The following STK11IP variants were observed in gnomAD, a reference collection of about 807,000 sequenced individuals.
STK11IP encodes serine/threonine kinase 11 interacting protein, also known as serine/threonine-protein kinase 11-interacting protein.
Under a neutral mutation model 131.7 loss-of-function variants are expected in STK11IP, and 103 were observed. That is an observed-to-expected ratio of 0.78 (90% confidence interval 0.67 to 0.92). The LOEUF (loss-of-function observed/expected upper bound fraction) is 0.92. STK11IP is among the 40% of genes least tolerant of loss of function. The probability of loss-of-function intolerance (pLI) is 0.00; values close to 1 mark genes in which losing one functional copy is unlikely to be tolerated. For missense variants in STK11IP, 1,315 were observed against 1,385.7 expected (o/e 0.95, Z 0.81); for synonymous variants, 557 against 575.6 (o/e 0.97, Z 0.46).
intron 4 of STK11IP, 128 bp from the exon 5 acceptor site, chr2:219,601,860 C>T: frequency 1.6e-6 from 2 of 1,239,396 alleles, no homozygotes; most frequent in South Asian, 1.3e-5. Context: ...CACTGTCTTT[C>T]CATTTACTGC....
chr2:219,609,085 C>G lies in STK11IP; in HGVS notation c.1810-12C>G. On this transcript the variant is annotated splice_polypyrimidine_tract_variant and intron_variant, in intron 15 of 24. Coordinates refer to ENST00000456909, the MANE Select transcript of STK11IP (RefSeq NM_052902.4). Reference sequence around the variant, plus strand: ...CTGCTGTTTTTCACCCGGTCCCCCTCTTGCTGCGCAGGGCTCAGATCTGCT... The same window carrying G: ...CTGCTGTTTTTCACCCGGTCCCCCTGTTGCTGCGCAGGGCTCAGATCTGCT... 6.4e-7 allele frequency: 1 copy of G among 1,571,608 alleles called. No homozygotes were observed. Among genetic ancestry groups the G allele is most frequent in the Non-Finnish European group, 8.7e-7 (1 of 1,155,602 alleles).
At chr2:219,598,007 G>T in intron 1 of STK11IP, 84 bp downstream of exon 1, 1 of 1,582,126 alleles carries the variant, frequency 6.3e-7, no homozygotes, top group African/African-American at 1.4e-5. Context: ...CTTTTTCTCC[G>T]CATGACGCCT....
chr2:219,606,848 A>T lies in STK11IP; in HGVS notation c.1124A>T (p.His375Leu). Residue 375 changes from histidine (H) to leucine (L), a missense_variant, in exon 12 of 25, where the codon CAT becomes CTT. By Grantham distance (99) the His-to-Leu change is moderately conservative. Transcript: ENST00000456909. ...GGTGTTGTGACCCAGCCCCTGCTTC[A>T]TAAGGTTAAGGTAAGCAGCGTCCTC... is the stretch of plus-strand genomic sequence containing the variant. ...SGGVVTQPLL[H>L]KVKSRVRVRR... 1 of 1,611,652 alleles carries T rather than the reference A, an allele frequency of 6.2e-7. No individual in the cohort carries two copies. The highest frequency in any genetic ancestry group is 8.5e-7 in the Non-Finnish European group (1 of 1,178,698).
chr2:219,611,476 G>C lies in STK11IP; in HGVS notation c.2105-128G>C, dbSNP rs529838580. The stretch of plus-strand genomic sequence containing the variant: ...GGGAGCTGGTGGCCTGGGGCGCGGT[G>C]GTTGTGTATGAAGCTGGAGGCTTGG... On this transcript the variant is annotated intron_variant, in intron 17 of 24. Coordinates refer to ENST00000456909, the MANE Select transcript of STK11IP (RefSeq NM_052902.4). 7.0e-5 allele frequency: 54 copies of C among 775,566 alleles called. No homozygotes were observed. In the Middle Eastern group the frequency reaches 1.4e-3, roughly 21 times the overall value. The allele number at this position is 775,566 out of a possible 1,614,324, so 48.0% of individuals were successfully genotyped here. A position where few individuals can be genotyped will look rare whatever the true frequency, so the allele number is the denominator to read the frequency against.
chr2:219,613,709 C>T (rs371059494), intron 20 of STK11IP, 43 bp from the exon 21 acceptor site: 2 of 1,610,908 alleles, frequency 1.2e-6, no homozygotes, highest in Admixed American at 3.3e-5. Flanking sequence ...GACTCTCACT[C>T]CACTCTCATG....
intron 12 of STK11IP, 46 bp from the exon 13 acceptor site, chr2:219,607,007 C>T (rs756715526): frequency 1.9e-6 from 3 of 1,612,024 alleles, no homozygotes; most frequent in East Asian, 2.2e-5. Context: ...GATGGCAGGG[C>T]TGGAGGCTTG....
chr2:219,605,530 G>A, intron 7 of STK11IP, 78 bp from the exon 8 acceptor site: 1 of 1,476,166 alleles, frequency 6.8e-7, no homozygotes, highest in Admixed American at 2.0e-5. Context: ...TTGAGGCCTA[G>A]TCCAGAAGAG....
intron 2 of STK11IP, 106 bp downstream of exon 2, chr2:219,598,286 A>G: frequency 7.6e-6 from 6 of 787,476 alleles, no homozygotes; most frequent in Non-Finnish European, 1.2e-5. Flanking sequence ...TGGTAGGGTC[A>G]CCAGGTGTCA....
chr2:219,608,298 A>G lies in STK11IP; in HGVS notation c.1471A>G (p.Arg491Gly). 6.2e-7 allele frequency: 1 copy of G among 1,611,174 alleles called. No individual in the cohort carries two copies. The highest frequency in any genetic ancestry group is 8.5e-7 in the Non-Finnish European group (1 of 1,178,764). ...ACCACAGAAAATGTCAGAGGAGGTC[A>G]GGGCGGAGCCACAGGAGGAGGAAGA... ...ESPQKMSEEV[R>G]AEPQEEEEEK... is the part of the protein sequence containing the mutation. Residue 491 changes from arginine to glycine, a missense_variant, in exon 14 of 25, where the codon AGG becomes GGG. By Grantham distance (125) the Arg-to-Gly change is moderately radical (BLOSUM62 -2). Coordinates refer to ENST00000456909, the MANE Select transcript of STK11IP (RefSeq NM_052902.4).
intron 17 of STK11IP, chr2:219,610,009 A>T (rs1698342675): frequency 5.4e-6 from 1 of 186,188 alleles, no homozygotes; most frequent in Non-Finnish European, 1.2e-5. Flanking sequence ...AAGGTACATA[A>T]TGTCCTGTGG....
chr2:219,600,071 T>G (rs1471095230), intron 2 of STK11IP, among the ~76,000 whole-genome samples: 10 of 142,428 alleles, frequency 7.0e-5, no homozygotes, highest in African/African-American at 2.4e-4. Context: ...TTTTTTTTTT[T>G]TTTTTTTTTG....
intron 17 of STK11IP, 133 bp from the exon 18 acceptor site, chr2:219,611,471 G>A (rs149703186): frequency 1.2e-4 from 90 of 730,042 alleles, no homozygotes; most frequent in African/African-American, 1.2e-3. Flanking sequence ...GGCCTGGGGC[G>A]CGGTGGTTGT....
intron 13 of STK11IP, among the ~76,000 whole-genome samples, chr2:219,607,788 G>A (rs556018309): frequency 1.1e-4 from 16 of 152,282 alleles, no homozygotes; most frequent in Non-Finnish European, 2.1e-4. Context: ...GCTGCCGGCC[G>A]TCTCGGGCCC....
At chr2:219,615,419 A>C in intron 24 of STK11IP, 78 bp downstream of exon 24, 2 of 1,532,860 alleles carry the variant, frequency 1.3e-6, no homozygotes, top group East Asian at 2.3e-5. Context: ...GCAGGGTGGG[A>C]AATGGGTCTA....
chr2:219,610,988 ATGCCCATCACGGTGTAGC>A (rs1320212930), intron 17 of STK11IP, among the ~76,000 whole-genome samples: 1 of 152,208 alleles, frequency 6.6e-6, no homozygotes, highest in Non-Finnish European at 1.5e-5. Flanking sequence ...GAGGTAGCGC[ATGCCCATCACGGTGTAGC>A]TGCTCAGAGT....
In STK11IP at chr2:219,614,036, G is replaced by T. The variant is rs1367026597; in HGVS notation, c.2716+106G>T. 8.0e-6 allele frequency: 12 copies of T among 1,505,192 alleles called. 1 individual carries two copies. Among genetic ancestry groups the T allele is most frequent in the Non-Finnish European group, 1.1e-5 (12 of 1,108,924 alleles). 93.2% of individuals were successfully genotyped at this position (1,505,192 alleles called of 1,614,324 possible). A position where few individuals can be genotyped will look rare whatever the true frequency, so the allele number is the denominator to read the frequency against. On this transcript the variant is annotated intron_variant, in intron 21 of 24. Transcript: ENST00000456909. ...AGTAGCGGAGACAGAGAGGTAACAG[G>T]ACTTGTCCCTTGTAGAAGTTTCTGA...
intron 15 of STK11IP, 40 bp downstream of exon 15, chr2:219,608,828 T>G (rs1406431794): frequency 6.5e-7 from 1 of 1,539,018 alleles, no homozygotes; most frequent in Admixed American, 2.0e-5. Flanking sequence ...GAGCCAGTTA[T>G]GGGAACATGG....
chr2:219,599,267 T>G (rs935850538), intron 2 of STK11IP, among the ~76,000 whole-genome samples: 6 of 152,138 alleles, frequency 3.9e-5, no homozygotes, highest in Admixed American at 6.5e-5. Flanking sequence ...TTTTGTATTT[T>G]TAGTAGAGAC....
In STK11IP at chr2:219,614,536, C is replaced by T; in HGVS notation, c.2859C>T (p.Phe953=). Residue 953 remains phenylalanine (F), a synonymous_variant, in exon 23 of 25, where the codon TTC becomes TTT. Coordinates refer to ENST00000456909, the MANE Select transcript of STK11IP (RefSeq NM_052902.4). ...GCCAGTTCTTCTACCTTCGGGCGTT[C>T]CTGGTTGAAGGTGAAGCCTCTGTGC... The part of the protein sequence containing the change: ...EARQFFYLRA[F]LVEGPSTCLV... 6.2e-7 allele frequency: 1 copy of T among 1,613,800 alleles called. No individual in the cohort carries two copies. Among genetic ancestry groups the T allele is most frequent in the Admixed American group, 1.7e-5 (1 of 60,024 alleles).
Sources: allele counts gnomAD v4.1 joint callset (sites outside exome capture counted in the v4.1 genomes callset), GRCh38; gene constraint gnomAD v4.1.1; transcripts MANE v1.5; gene names NCBI Gene and HGNC (gene_info 2026-07-23, HGNC 2026-07-21).